The following MTSS1 variants were observed in gnomAD, a reference collection of about 807,000 sequenced individuals.
MTSS1 encodes MTSS I-BAR domain containing 1.
A neutral mutation model predicts 79.0 loss-of-function variants in MTSS1; 18 were observed. The ratio of observed to expected loss-of-function variants is 0.23; its 90% CI spans 0.16 to 0.34. The LOEUF (loss-of-function observed/expected upper bound fraction) is 0.34, where lower values mean the gene tolerates loss of function less well. MTSS1 is among the 10% of genes least tolerant of loss of function. MTSS1 has a pLI of 1.00. For missense variants in MTSS1, 815 were observed against 986.2 expected (o/e 0.83, Z 2.33); for synonymous variants, 341 against 368.6 (o/e 0.93, Z 0.86).
intron 3 of MTSS1, among the ~76,000 whole-genome samples, chr8:124,660,182 C>A (rs1821736960): frequency 6.6e-6 from 1 of 152,088 alleles, no homozygotes; most frequent in South Asian, 2.1e-4. Context: ...TTCAAAAGCC[C>A]TTCTCTGGCT....
rs188439207 is a variant in MTSS1 at position 124,627,470 on chromosome 8, A to T, written c.209-36235T>A. On this transcript the variant is annotated intron_variant, in intron 3 of 13. Transcript: ENST00000518547. ...TGCTGATCCACAGTCACAAAGGGAA[A>T]ATATGTTGAGGCCAGGATTCAAACT... Among the ~76,000 whole-genome samples, 31 of 152,366 alleles carry T rather than the reference A, an allele frequency of 2.0e-4. No individual in the cohort carries two copies. The East Asian group carries it at 5.2e-3, about 26-fold the overall frequency.
intron 3 of MTSS1, among the ~76,000 whole-genome samples, chr8:124,605,188 A>G (rs1834587700): frequency 6.6e-6 from 1 of 152,112 alleles, no homozygotes; most frequent in African/African-American, 2.4e-5. Flanking sequence ...CCCCATTGCC[A>G]TGGTCTGCCT....
intron 3 of MTSS1, among the ~76,000 whole-genome samples, chr8:124,696,146 C>T (rs754899710): frequency 1.3e-5 from 2 of 151,992 alleles, no homozygotes; most frequent in Admixed American, 6.6e-5. Flanking sequence ...CACTCCTCTG[C>T]CTGGCTAATT....
intron 3 of MTSS1, among the ~76,000 whole-genome samples, chr8:124,640,092 C>T (rs1817747516): frequency 6.6e-6 from 1 of 152,214 alleles, no homozygotes. Context: ...TCTCATTTTA[C>T]ATTTTACAGA....
At chr8:124,587,502 A>G (rs1022369639) in intron 5 of MTSS1, among the ~76,000 whole-genome samples, 5 of 152,226 alleles carry the variant, frequency 3.3e-5, no homozygotes, top group Non-Finnish European at 7.4e-5. Context: ...TTATATATTA[A>G]CTATTTTTTT....
intron 3 of MTSS1, among the ~76,000 whole-genome samples, chr8:124,644,794 A>T (rs947373575): frequency 4.0e-5 from 6 of 150,506 alleles, no homozygotes; most frequent in African/African-American, 1.5e-4. Context: ...TTCCAAATGG[A>T]CATGGAGAAA....
Position 124,571,239 on chromosome 8 carries a change from A to G in MTSS1, c.461-2703T>C, listed in dbSNP as rs1251364195. On this transcript the variant is annotated intron_variant, in intron 6 of 13. Transcript: ENST00000518547. ...CACAGAGACCCACCACCTGTGGCCA[A>G]CGGCTTACAGAGGGAAGGCTGGGTG... 4.6e-5 allele frequency among the ~76,000 whole-genome samples: 7 copies of G among 152,234 alleles called. No individual in the cohort carries two copies. The East Asian group carries it at 5.8e-4, about 13-fold the overall frequency.
chr8:124,639,658 T>A (rs1817664573), intron 3 of MTSS1, among the ~76,000 whole-genome samples: 4 of 152,016 alleles, frequency 2.6e-5, no homozygotes, highest in Admixed American at 2.6e-4. Flanking sequence ...GAGATGGGGT[T>A]TTTCCATGTT....
intron 3 of MTSS1, among the ~76,000 whole-genome samples, chr8:124,622,735 A>G (rs1266828703): frequency 6.6e-6 from 1 of 150,692 alleles, no homozygotes; most frequent in Non-Finnish European, 1.5e-5. Flanking sequence ...GGAGGTTACA[A>G]TGAGCTGAGA....
chr8:124,573,705 G>C (rs1261191040), intron 6 of MTSS1, among the ~76,000 whole-genome samples: 1 of 152,248 alleles, frequency 6.6e-6, no homozygotes, highest in Non-Finnish European at 1.5e-5. Context: ...GGAGGAGGGA[G>C]GGGGTGCCTT....
chr8:124,610,570 CT>C (rs1194428932), intron 3 of MTSS1, among the ~76,000 whole-genome samples: 8 of 152,136 alleles, frequency 5.3e-5, no homozygotes, highest in Non-Finnish European at 1.0e-4. Context: ...TGCATGAGAC[CT>C]TAGGGGTAAC....
intron 9 of MTSS1, among the ~76,000 whole-genome samples, chr8:124,564,117 G>A (rs190688261): frequency 3.1e-4 from 36 of 115,340 alleles, no homozygotes; most frequent in African/African-American, 4.9e-4. Context: ...ACAACAGAAC[G>A]AGACCCGATC....
intron 3 of MTSS1, among the ~76,000 whole-genome samples, chr8:124,662,507 A>G (rs1822242765): frequency 6.6e-6 from 1 of 152,148 alleles, no homozygotes; most frequent in Admixed American, 6.5e-5. Context: ...TAGGGTGTCC[A>G]TCACAATTAC....
At chr8:124,616,082 A>G (rs1034888851) in intron 3 of MTSS1, among the ~76,000 whole-genome samples, 1 of 152,218 alleles carries the variant, frequency 6.6e-6, no homozygotes, top group Admixed American at 6.5e-5. Flanking sequence ...CTCCAACTGA[A>G]CCAAGAGTGC....
At chr8:124,720,616 T>C (rs6470263) in intron 1 of MTSS1, among the ~76,000 whole-genome samples, 104,789 of 152,090 alleles carry the variant, frequency 0.69, 36,508 homozygotes, top group Admixed American at 0.78. Flanking sequence ...AGCTGACCTT[T>C]GTAATGAACT....
chr8:124,602,886 A>G (rs2133058612), intron 3 of MTSS1, among the ~76,000 whole-genome samples: 1 of 152,342 alleles, frequency 6.6e-6, no homozygotes, highest in Non-Finnish European at 1.5e-5. Flanking sequence ...TACGAAGTAA[A>G]GAGACAGCCG....
chr8:124,656,833 G>A (rs2134282186), intron 3 of MTSS1, among the ~76,000 whole-genome samples: 1 of 150,796 alleles, frequency 6.6e-6, no homozygotes, highest in Admixed American at 6.6e-5. Flanking sequence ...AAATGGAGTT[G>A]CTCCTTCAGA....
chr8:124,644,051 A>G (rs1267294812), intron 3 of MTSS1, among the ~76,000 whole-genome samples: 1 of 152,214 alleles, frequency 6.6e-6, no homozygotes, highest in Non-Finnish European at 1.5e-5. Context: ...GCTTGAGTAC[A>G]GAAAGAAGAG....
At chr8:124,555,152 ATTC>A (rs1236316254) in intron 13 of MTSS1, among the ~76,000 whole-genome samples, 25 of 152,218 alleles carry the variant, frequency 1.6e-4, no homozygotes, top group Non-Finnish European at 1.5e-5. Flanking sequence ...GCCTGAAGCT[ATTC>A]TTATTACAGC....
Sources: gnomAD v4.1 joint callset for allele counts (sites outside exome capture counted in the v4.1 genomes callset) on GRCh38, gnomAD v4.1.1 for gene constraint, MANE v1.5 for transcripts, NCBI Gene and HGNC (gene_info 2026-07-23, HGNC 2026-07-21) for gene names.